STPG2: variants seen among roughly 807,000 people sequenced by gnomAD.
STPG2 encodes the protein sperm tail PG-rich repeat containing 2, also known as sperm-tail PG-rich repeat-containing protein 2.
Under a neutral mutation model 54.2 loss-of-function variants are expected in STPG2, and 56 were observed. The observed-to-expected ratio is 1.03, with a 90% confidence interval of 0.83 to 1.29. The LOEUF is 1.29. Among genes scored for constraint, STPG2 ranks in the 50% most tolerant of loss-of-function variants. The probability of loss-of-function intolerance (pLI) is 0.00; values close to 1 mark genes in which losing one functional copy is unlikely to be tolerated. For missense variants in STPG2, 596 were observed against 544.9 expected (o/e 1.09, Z -0.93); for synonymous variants, 200 against 181.8 (o/e 1.10, Z -0.81).
chr4:97,815,650 T>C (rs1465079262), intron 9 of STPG2, among the ~76,000 whole-genome samples: 3 of 152,178 alleles, frequency 2.0e-5, no homozygotes, highest in African/African-American at 7.2e-5. Flanking sequence ...GGAAGAAGGG[T>C]AAATATCACT....
chr4:97,483,980 G>T (rs1730289992), intron 4 of STPG2, among the ~76,000 whole-genome samples: 1 of 151,782 alleles, frequency 6.6e-6, no homozygotes, highest in Admixed American at 6.6e-5. Context: ...TGAGCATTGG[G>T]TCAAAAACTA....
At chr4:97,613,769 TTTGACCA>T (rs1733790905) in intron 10 of STPG2, among the ~76,000 whole-genome samples, 2 of 152,078 alleles carry the variant, frequency 1.3e-5, no homozygotes, top group African/African-American at 4.8e-5. Context: ...TTTCTCCAGT[TTTGACCA>T]TTTAGATGCT....
intron 8 of STPG2, among the ~76,000 whole-genome samples, chr4:97,855,697 T>C (rs942720317): frequency 1.3e-5 from 2 of 152,198 alleles, no homozygotes; most frequent in Non-Finnish European, 2.9e-5. Context: ...GTTTTGGCTT[T>C]TGTTGAAATT....
chr4:97,789,517 C>G (rs540402673), intron 9 of STPG2, among the ~76,000 whole-genome samples: 2 of 152,088 alleles, frequency 1.3e-5, no homozygotes, highest in South Asian at 4.1e-4. Context: ...TTGTTATAGT[C>G]TTTTCTTCGA....
rs181669831 is a variant in STPG2 at position 97,977,085 on chromosome 4, C to A, written c.772+4074G>T. Among the ~76,000 whole-genome samples, 88 of 152,252 alleles carry A rather than the reference C, an allele frequency of 5.8e-4. No individual in the cohort carries two copies. The East Asian group carries it at 8.5e-3, about 15-fold the overall frequency. ...GATTATAGATTGACCTTTTCTTTATCCACGTTGTTTTCTAAAATACTGTAA... is the reference window on the plus strand; with the variant it reads ...GATTATAGATTGACCTTTTCTTTATACACGTTGTTTTCTAAAATACTGTAA... On this transcript the variant is annotated intron_variant, in intron 6 of 10. Transcript: ENST00000295268.
At chr4:97,837,932 A>T (rs146827612) in intron 9 of STPG2, among the ~76,000 whole-genome samples, 2 of 151,572 alleles carry the variant, frequency 1.3e-5, no homozygotes, top group Non-Finnish European at 3.0e-5. Flanking sequence ...CCAGTAATCA[A>T]TTTTAATTTT....
intron 8 of STPG2, among the ~76,000 whole-genome samples, chr4:97,910,089 C>G (rs111743134): frequency 0.012 from 1,751 of 152,256 alleles, 30 homozygotes; most frequent in African/African-American, 0.04. Context: ...ACAAAAGGAA[C>G]TTCATCCTGC....
chr4:97,481,655 G>A (rs1053952827), intron 4 of STPG2, among the ~76,000 whole-genome samples: 3 of 151,482 alleles, frequency 2.0e-5, no homozygotes, highest in African/African-American at 7.3e-5. Context: ...ATTTCTTGAT[G>A]AGTATTTAGA....
intron 8 of STPG2, among the ~76,000 whole-genome samples, chr4:97,860,861 A>G (rs1423424950): frequency 1.3e-5 from 2 of 152,194 alleles, no homozygotes; most frequent in Non-Finnish European, 2.9e-5. Flanking sequence ...TCCAGTTCTC[A>G]GGGAAAATGC....
intron 9 of STPG2, among the ~76,000 whole-genome samples, chr4:97,817,551 G>T (rs1394350793): frequency 6.6e-6 from 1 of 151,856 alleles, no homozygotes; most frequent in African/African-American, 2.4e-5. Context: ...GTCTATCACA[G>T]TTTTTACTGT....
chr4:98,025,631 C>G (rs1457004132), intron 5 of STPG2: 1 of 813,148 alleles, frequency 1.2e-6, no homozygotes, highest in African/African-American at 1.7e-5. Flanking sequence ...TGCACACGAA[C>G]TGCCAAAATA....
At position 97,855,519 on chromosome 4, in the gene STPG2, GT is replaced by G. The variant is rs560190679; in HGVS notation, c.1045-14588del. ...CCTTCGCCTACTTTTTAATAAGGTTGTTTTTTTTTCTTGTAAATTTAAGTTC... is the reference window on the plus strand; with the variant it reads ...CCTTCGCCTACTTTTTAATAAGGTTGTTTTTTTTCTTGTAAATTTAAGTTC... On this transcript the variant is annotated intron_variant, in intron 8 of 10. Coordinates refer to ENST00000295268, the MANE Select transcript of STPG2 (RefSeq NM_174952.3). Among the ~76,000 whole-genome samples, 377 of 150,694 alleles carry G rather than the reference GT, an allele frequency of 2.5e-3. 3 individuals are homozygous for G. The highest frequency in any genetic ancestry group is 8.2e-3 in the South Asian group (39 of 4,736).
intron 4 of STPG2, among the ~76,000 whole-genome samples, chr4:97,486,860 AACACACACACACACAC>A (rs772458069): frequency 8.0e-6 from 1 of 125,578 alleles, no homozygotes; most frequent in Non-Finnish European, 1.7e-5. Flanking sequence ...TATGTATACA[AACACACACACACACAC>A]ACACACACAC....
chr4:98,085,335 A>G (rs1463546858), intron 5 of STPG2, among the ~76,000 whole-genome samples: 1 of 152,066 alleles, frequency 6.6e-6, no homozygotes. Context: ...TGATTACCTG[A>G]TTGATTATAA....
chr4:97,904,780 A>C (rs1414747928), intron 8 of STPG2, among the ~76,000 whole-genome samples: 4 of 152,360 alleles, frequency 2.6e-5, no homozygotes, highest in Non-Finnish European at 5.9e-5. Flanking sequence ...ATGGAGCTGA[A>C]AACCAAGGCT....
chr4:97,484,504 T>C (rs1269084572), intron 4 of STPG2, among the ~76,000 whole-genome samples: 1 of 151,816 alleles, frequency 6.6e-6, no homozygotes, highest in African/African-American at 2.4e-5. Context: ...TCTCCTAGCT[T>C]AAATCAGGAA....
At chr4:97,792,032 TA>T (rs149594389) in intron 9 of STPG2, among the ~76,000 whole-genome samples, 4,791 of 152,142 alleles carry the variant, frequency 0.031, 173 homozygotes, top group African/African-American at 0.085. Context: ...AAATCACCTG[TA>T]AAGAGATGAC....
At chr4:97,805,169 C>T (rs943618575) in intron 9 of STPG2, among the ~76,000 whole-genome samples, 3 of 152,102 alleles carry the variant, frequency 2.0e-5, no homozygotes, top group African/African-American at 7.2e-5. Flanking sequence ...ACCAAAAGAA[C>T]TTCATAACCT....
chr4:97,935,676 T>C (rs1732723311), intron 8 of STPG2, among the ~76,000 whole-genome samples: 1 of 152,116 alleles, frequency 6.6e-6, no homozygotes, highest in African/African-American at 2.4e-5. Flanking sequence ...TCAACTTCCA[T>C]GTAGTGCGGT....
Sources: gnomAD v4.1 joint callset for allele counts (sites outside exome capture counted in the v4.1 genomes callset) on GRCh38, gnomAD v4.1.1 for gene constraint, MANE v1.5 for transcripts, NCBI Gene and HGNC (gene_info 2026-07-23, HGNC 2026-07-21) for gene names.